ZBTB41: variants seen among roughly 807,000 people sequenced by gnomAD.
The protein encoded by ZBTB41 is zinc finger and BTB domain-containing protein 41.
Under a neutral mutation model 87.6 loss-of-function variants are expected in ZBTB41, and 42 were observed. That is an observed-to-expected ratio of 0.48 (90% CI 0.37 to 0.62). The LOEUF is 0.62. ZBTB41 is among the 20% of genes least tolerant of loss of function. ZBTB41 has a pLI of 0.00. For synonymous variants in ZBTB41, 364 were observed against 364.0 expected, an observed-to-expected ratio of 1.00 and a Z score of 0.00; for missense variants, 799 against 1,078.9, an observed-to-expected ratio of 0.74 and a Z score of 3.63.
In ZBTB41 at chr1:197,159,323, T is replaced by C; in HGVS notation, c.*36A>G. On this transcript the variant is annotated 3_prime_UTR_variant, in exon 11 of 11. Coordinates refer to ENST00000367405, the MANE Select transcript of ZBTB41 (RefSeq NM_194314.3). ...AGCTATCATCTCTACCATTAGCATA[T>C]AACCATCCAAAAATCTGTGGAATGT... is the stretch of plus-strand genomic sequence containing the variant. The C allele has an allele frequency of 6.2e-7, 1 of 1,604,226 alleles. No homozygotes were observed.
chr1:197,197,617 A>G (rs961385219), intron 2 of ZBTB41, among the ~76,000 whole-genome samples: 1 of 151,312 alleles, frequency 6.6e-6, no homozygotes, highest in Admixed American at 6.6e-5. Flanking sequence ...GGAAGGAGCA[A>G]AATGTCCTCC....
chr1:197,190,211 A>G (rs777939516), intron 4 of ZBTB41, among the ~76,000 whole-genome samples: 14 of 152,128 alleles, frequency 9.2e-5, no homozygotes, highest in Non-Finnish European at 1.8e-4. Context: ...ATGAACCACC[A>G]TACTCGGCCT....
intron 4 of ZBTB41, among the ~76,000 whole-genome samples, chr1:197,189,081 T>A (rs183760820): frequency 1.3e-5 from 2 of 152,330 alleles, no homozygotes; most frequent in East Asian, 3.9e-4. Context: ...GGGAAGACAC[T>A]ATCTTATGCA....
In ZBTB41 at chr1:197,159,669, C is replaced by A; in HGVS notation, c.2420G>T (p.Cys807Phe). Reference sequence around the variant, plus strand: ...AACTGGAACCAGAGTTACTGGAACACATACTTCAGCAGATACATTCTGTAA... The same window carrying A: ...AACTGGAACCAGAGTTACTGGAACAAATACTTCAGCAGATACATTCTGTAA... ...TMLQNVSAEV[C>F]VPVTLVPVQM... The change falls in exon 11 of 11, where the codon TGT (cysteine) becomes TTT (phenylalanine). Residue 807 changes from cysteine (C) to phenylalanine (F), a missense_variant. Coordinates refer to ENST00000367405, the MANE Select transcript of ZBTB41 (RefSeq NM_194314.3). 6.2e-7 allele frequency: 1 copy of A among 1,613,976 alleles called. No individual in the cohort carries two copies. The highest frequency in any genetic ancestry group is 1.7e-5 in the Admixed American group (1 of 59,980).
intron 2 of ZBTB41, among the ~76,000 whole-genome samples, chr1:197,192,620 A>C: frequency 6.6e-6 from 1 of 152,210 alleles, no homozygotes; most frequent in East Asian, 1.9e-4. Context: ...AGGCAATAAA[A>C]ATAGGAAAAT....
In ZBTB41 at chr1:197,157,194, G is replaced by A. The variant is rs1037760912; in HGVS notation, c.*2165C>T. 2.0e-5 allele frequency: 3 copies of A among 151,852 alleles called. No homozygotes were observed. The highest frequency in any genetic ancestry group is 1.9e-4 in the East Asian group (1 of 5,174). The allele number at this position is 151,852 out of a possible 1,614,324, so 9.4% of individuals were successfully genotyped here. A position where few individuals can be genotyped will look rare whatever the true frequency, so the allele number is the denominator to read the frequency against. On this transcript the variant is annotated 3_prime_UTR_variant, in exon 11 of 11. Transcript: ENST00000367405. Reference sequence around the variant, plus strand: ...AATCATATATTTAAAGCATTAGGACGGACATTATTATTAAAAGAACCCTAA... The same window carrying A: ...AATCATATATTTAAAGCATTAGGACAGACATTATTATTAAAAGAACCCTAA...
Position 197,157,497 on chromosome 1 carries a change from T to G in ZBTB41, c.*1862A>C, listed in dbSNP as rs1226957968. The G allele has an allele frequency of 6.6e-6, 1 of 151,908 alleles. No individual in the cohort carries two copies. Among genetic ancestry groups the G allele is most frequent in the Non-Finnish European group, 1.5e-5 (1 of 67,724 alleles). 9.4% of individuals were successfully genotyped at this position (151,908 alleles called of 1,614,324 possible). A position where few individuals can be genotyped will look rare whatever the true frequency, so the allele number is the denominator to read the frequency against. On this transcript the variant is annotated 3_prime_UTR_variant, in exon 11 of 11. Coordinates refer to ENST00000367405, the MANE Select transcript of ZBTB41 (RefSeq NM_194314.3). The stretch of plus-strand genomic sequence containing the variant: ...AAGATATGTATTTTTAAAAGTCAAT[T>G]TGAAAGACTAACAGACTAACAGTAC...
chr1:197,170,786 T>C (rs1291038019), intron 10 of ZBTB41, among the ~76,000 whole-genome samples: 1 of 152,162 alleles, frequency 6.6e-6, no homozygotes, highest in Non-Finnish European at 1.5e-5. Flanking sequence ...ACAGCAGAGC[T>C]GAATGATTGT....
rs115086824 is a variant in ZBTB41, at chr1:197,164,405, C to A, written c.2075-4391G>T. Reference sequence around the variant, plus strand: ...TGAACAGCATGATGATACATTCAAGCCCAAATAAGTGAGAAATCACATAAT... The same window carrying A: ...TGAACAGCATGATGATACATTCAAGACCAAATAAGTGAGAAATCACATAAT... On this transcript the variant is annotated intron_variant, in intron 10 of 10. Coordinates refer to ENST00000367405, the MANE Select transcript of ZBTB41 (RefSeq NM_194314.3). 7.6e-3 allele frequency among the ~76,000 whole-genome samples: 1,155 copies of A among 151,538 alleles called. 8 individuals are homozygous for A. Among genetic ancestry groups the A allele is most frequent in the African/African-American group, 0.025 (1,048 of 41,274 alleles).
rs1347619168 is a variant in ZBTB41, at chr1:197,159,798, A to T, written c.2291T>A (p.Val764Glu). The T allele has an allele frequency of 2.5e-6, 4 of 1,614,050 alleles. No individual in the cohort carries two copies. Among genetic ancestry groups the T allele is most frequent in the Non-Finnish European group, 8.5e-7 (1 of 1,179,924 alleles). The part of the protein sequence containing the change: ...DPLSTSEEKL[V>E]SLPVEYSSDD... ...AGATGAGTACTCAACTGGCAAGGAT[A>T]CAAGTTTTTCCTCAGAAGTACTGAG... The change falls in exon 11 of 11, where the codon GTA becomes GAA. Residue 764 changes from valine (V) to glutamate (E), a missense_variant. Physicochemically the swap from Val to Glu is moderately radical, Grantham distance 121. Coordinates refer to ENST00000367405, the MANE Select transcript of ZBTB41 (RefSeq NM_194314.3).
intron 5 of ZBTB41, among the ~76,000 whole-genome samples, chr1:197,187,416 T>C (rs767937479): frequency 6.6e-6 from 1 of 152,190 alleles, no homozygotes; most frequent in African/African-American, 2.4e-5. Flanking sequence ...CCAAAATCCA[T>C]GGATGCTCCA....
chr1:197,183,825 G>A (rs977077387), intron 5 of ZBTB41, among the ~76,000 whole-genome samples: 3 of 152,204 alleles, frequency 2.0e-5, no homozygotes, highest in Admixed American at 2.0e-4. Flanking sequence ...GTATGCTGCA[G>A]CATGATAGAA....
At chr1:197,160,900 A>C (rs1258541749) in intron 10 of ZBTB41, among the ~76,000 whole-genome samples, 1 of 152,182 alleles carries the variant, frequency 6.6e-6, no homozygotes, top group Non-Finnish European at 1.5e-5. Context: ...AGACAGATGC[A>C]ACATGAGAAC....
At chr1:197,183,070 T>C (rs1659795171) in intron 5 of ZBTB41, among the ~76,000 whole-genome samples, 1 of 152,196 alleles carries the variant, frequency 6.6e-6, no homozygotes, top group South Asian at 2.1e-4. Context: ...TATACATATA[T>C]GTATACATAT....
intron 3 of ZBTB41, among the ~76,000 whole-genome samples, chr1:197,191,178 G>C (rs10801594): frequency 0.75 from 114,423 of 151,874 alleles, 47,574 homozygotes; most frequent in East Asian, 0.98. Flanking sequence ...TAAATTTCTT[G>C]ACCGGGCGTG....
chr1:197,163,523 G>C (rs115728934), intron 10 of ZBTB41, among the ~76,000 whole-genome samples: 2,084 of 151,980 alleles, frequency 0.014, 39 homozygotes, highest in African/African-American at 0.048. Flanking sequence ...AGGAGGAGGA[G>C]AGAGAATAGG....
intron 4 of ZBTB41, among the ~76,000 whole-genome samples, chr1:197,190,285 G>T (rs1659996193): frequency 6.6e-6 from 1 of 152,064 alleles, no homozygotes; most frequent in Non-Finnish European, 1.5e-5. Flanking sequence ...GAAAACAGCT[G>T]AGTGACTTCA....
chr1:197,198,681 T>C (rs1466217239), intron 2 of ZBTB41, among the ~76,000 whole-genome samples: 2 of 152,170 alleles, frequency 1.3e-5, no homozygotes, highest in Non-Finnish European at 2.9e-5. Context: ...CTTAAAGTGA[T>C]AGACTACATT....
At chr1:197,160,039 T>C in intron 10 of ZBTB41, 25 bp from the exon 11 acceptor site, 1 of 1,574,612 alleles carries the variant, frequency 6.4e-7, no homozygotes, top group African/African-American at 1.4e-5. Context: ...AAGAATATAA[T>C]TAGATGTAAA....
Sources: gnomAD v4.1 joint callset for allele counts (sites outside exome capture counted in the v4.1 genomes callset) on GRCh38, gnomAD v4.1.1 for gene constraint, MANE v1.5 for transcripts, NCBI Gene and HGNC (gene_info 2026-07-23, HGNC 2026-07-21) for gene names.